Variants in FRMD3 observed in about 807,000 individuals in gnomAD.
FRMD3 encodes the protein FERM domain-containing protein 3.
Under a neutral mutation model 70.2 loss-of-function variants are expected in FRMD3, and 33 were observed. That is an observed-to-expected ratio of 0.47 (90% CI 0.36 to 0.63). FRMD3 has a LOEUF of 0.63. FRMD3 is among the 20% of genes least tolerant of loss of function. The pLI is 0.00. For synonymous variants in FRMD3, 279 were observed against 255.9 expected (o/e 1.09, Z -0.86); for missense variants, 632 against 711.4 (o/e 0.89, Z 1.27).
chr9:83,467,630 C>A (rs962865535), intron 1 of FRMD3: 1 of 1,533,202 alleles, frequency 6.5e-7, no homozygotes, highest in African/African-American at 1.4e-5. Flanking sequence ...TTGAAAGCTG[C>A]ATAAGCAGGT....
intron 1 of FRMD3, among the ~76,000 whole-genome samples, chr9:83,480,431 A>G (rs1828540145): frequency 6.6e-6 from 1 of 152,204 alleles, no homozygotes; most frequent in Non-Finnish European, 1.5e-5. Flanking sequence ...TATAAATAAA[A>G]AATACAGTGT....
At chr9:83,578,132 T>TA in the FRMD3 span, among the ~76,000 whole-genome samples, 1,400 of 146,538 alleles carry the variant, frequency 9.6e-3, 15 homozygotes, top group African/African-American at 0.032. Flanking sequence ...TATGAAGAAA[T>TA]AAAAAAAAAA....
chr9:83,483,675 A>G (rs1380672346), intron 1 of FRMD3, among the ~76,000 whole-genome samples: 1 of 152,150 alleles, frequency 6.6e-6, no homozygotes, highest in Non-Finnish European at 1.5e-5. Context: ...CCTGCGCAAC[A>G]TACTGGGACC....
chr9:83,379,685 CT>C (rs1216917745), intron 2 of FRMD3, among the ~76,000 whole-genome samples: 1 of 152,116 alleles, frequency 6.6e-6, no homozygotes, highest in African/African-American at 2.4e-5. Flanking sequence ...CAGCCTGACG[CT>C]TTTTAGGAAG....
intron 1 of FRMD3, among the ~76,000 whole-genome samples, chr9:83,517,533 T>G (rs1487564656): frequency 1.4e-5 from 2 of 138,612 alleles, no homozygotes; most frequent in Non-Finnish European, 3.0e-5. Context: ...CTAGGACCGA[T>G]GGATTCACAG....
chr9:83,258,580 C>T (rs1405424137), intron 13 of FRMD3, among the ~76,000 whole-genome samples: 3 of 152,200 alleles, frequency 2.0e-5, no homozygotes, highest in African/African-American at 7.2e-5. Flanking sequence ...TGGAAAGGAT[C>T]GAACTGAGAG....
chr9:83,271,610 G>C (rs1833553445), intron 13 of FRMD3, among the ~76,000 whole-genome samples: 1 of 152,158 alleles, frequency 6.6e-6, no homozygotes, highest in Admixed American at 6.5e-5. Flanking sequence ...CCAATTCAAA[G>C]AAATGGTCAT....
intron 1 of FRMD3, among the ~76,000 whole-genome samples, chr9:83,526,680 C>A (rs923173687): frequency 2.0e-5 from 3 of 152,216 alleles, no homozygotes; most frequent in African/African-American, 7.2e-5. Context: ...CTTCCCCCAA[C>A]TGACTGCGAG....
chr9:83,357,272 T>C lies in FRMD3; in HGVS notation c.296-7515A>G, dbSNP rs374386880. Among the ~76,000 whole-genome samples, 25 of 61,928 alleles carry C rather than the reference T, an allele frequency of 4.0e-4. 1 individual carries two copies. The highest frequency in any genetic ancestry group is 1.9e-3 in the African/African-American group (22 of 11,588). 40.6% of individuals were successfully genotyped at this position (61,928 alleles called of 152,430 possible). ...ATATATATATATATATATATATATA[T>C]ATATATATATATATATATATATATA... On this transcript the variant is annotated intron_variant, in intron 3 of 13. Transcript: ENST00000304195.
chr9:83,308,652 T>C (rs1485733595), intron 10 of FRMD3, among the ~76,000 whole-genome samples: 1 of 152,226 alleles, frequency 6.6e-6, no homozygotes, highest in African/African-American at 2.4e-5. Context: ...TGTAACTCCA[T>C]GCACAGATCT....
chr9:83,267,280 A>G lies in FRMD3; in HGVS notation c.1196-18764T>C, dbSNP rs1404081732. On this transcript the variant is annotated intron_variant, in intron 13 of 13. Transcript: ENST00000304195. ...CAGGTTCCTAATGCGGCCAACAGAA[A>G]TAACTCATGAGGGATCAGCATTGGG... 2.6e-5 allele frequency: 39 copies of G among 1,483,860 alleles called. 1 individual carries two copies. The East Asian group carries it at 2.7e-4, about 10-fold the overall frequency. 91.9% of individuals were successfully genotyped at this position (1,483,860 alleles called of 1,614,324 possible).
the FRMD3 span, among the ~76,000 whole-genome samples, chr9:83,580,449 C>T: frequency 6.6e-6 from 1 of 152,082 alleles, no homozygotes; most frequent in South Asian, 2.1e-4. Context: ...GAAGGCAATT[C>T]TGTCACTTGA....
At chr9:83,433,938 G>T (rs999335017) in intron 1 of FRMD3, among the ~76,000 whole-genome samples, 1 of 152,148 alleles carries the variant, frequency 6.6e-6, no homozygotes, top group Non-Finnish European at 1.5e-5. Flanking sequence ...GTGGCCCAGG[G>T]GCTGGGGACC....
chr9:83,528,677 G>A (rs370755046), intron 1 of FRMD3, among the ~76,000 whole-genome samples: 2 of 151,918 alleles, frequency 1.3e-5, no homozygotes, highest in South Asian at 4.2e-4. Flanking sequence ...CTACAGGCAC[G>A]CACCAAGCCC....
In FRMD3 at chr9:83,245,418, A is replaced by G. The variant is rs1832046411; in HGVS notation, c.*2500T>C. The G allele has an allele frequency of 1.0e-6, 1 of 985,430 alleles. No individual in the cohort carries two copies. Among genetic ancestry groups the G allele is most frequent in the Admixed American group, 6.1e-5 (1 of 16,284 alleles). 61.0% of individuals were successfully genotyped at this position (985,430 alleles called of 1,614,324 possible). A position where few individuals can be genotyped will look rare whatever the true frequency, so the allele number is the denominator to read the frequency against. ...AAATGGCATTTCAAGATTCCAGTTT[A>G]ACTTTTGATGGCTGTTTAAATTCAG... On this transcript the variant is annotated 3_prime_UTR_variant, in exon 14 of 14. Transcript: ENST00000304195.
chr9:83,547,013 T>C, the FRMD3 span, among the ~76,000 whole-genome samples: 2 of 150,380 alleles, frequency 1.3e-5, no homozygotes, highest in Non-Finnish European at 3.0e-5. Flanking sequence ...GGTAAAGGCA[T>C]GGAAAAAGAC....
chr9:83,364,179 C>T (rs1160484096), intron 3 of FRMD3, among the ~76,000 whole-genome samples: 1 of 152,146 alleles, frequency 6.6e-6, no homozygotes, highest in Non-Finnish European at 1.5e-5. Flanking sequence ...TATTACTACT[C>T]GTTATATGTT....
chr9:83,424,554 A>G (rs1826747504), intron 1 of FRMD3, among the ~76,000 whole-genome samples: 1 of 152,232 alleles, frequency 6.6e-6, no homozygotes. Flanking sequence ...CAAAAATTCA[A>G]TGTGGCTGCA....
Position 83,538,079 on chromosome 9 carries a change from G to A in FRMD3, c.147+6C>T, listed in dbSNP as rs1554716925. On this transcript the variant is annotated splice_donor_region_variant and intron_variant, in intron 1 of 13. Coordinates refer to ENST00000304195, the MANE Select transcript of FRMD3 (RefSeq NM_174938.6). The surrounding 1 kb of genome is among the most constrained non-coding windows in gnomAD (Gnocchi z 4.7). ...GCCCCGCGCCCTCGCCCGGTTCCAC[G>A]CGCACCTGGATGTGGCAGGAGATCT... 2 of 1,611,578 alleles carry A rather than the reference G, an allele frequency of 1.2e-6. No individual in the cohort carries two copies. Among genetic ancestry groups the A allele is most frequent in the Non-Finnish European group, 1.7e-6 (2 of 1,178,320 alleles).
Sources: allele counts gnomAD v4.1 joint callset (sites outside exome capture counted in the v4.1 genomes callset), GRCh38; gene constraint gnomAD v4.1.1; non-coding constraint Gnocchi (gnomAD v3.1); transcripts MANE v1.5; gene names NCBI Gene and HGNC (gene_info 2026-07-23, HGNC 2026-07-21).